The following NDST4 variants were observed in gnomAD, a reference collection of about 807,000 sequenced individuals.
NDST4 encodes N-heparan sulfate sulfotransferase 4.
NDST4 carries 63 observed loss-of-function variants against 100.8 expected under a neutral mutation model. The ratio of observed to expected loss-of-function variants is 0.62; its 90% confidence interval spans 0.51 to 0.77. NDST4 has a LOEUF of 0.77. Among genes scored for constraint, NDST4 ranks in the 30% least tolerant of loss-of-function variants. The probability of loss-of-function intolerance (pLI) is 0.00; values close to 1 mark genes in which losing one functional copy is unlikely to be tolerated. For synonymous variants in NDST4, 377 were observed against 361.8 expected (o/e 1.04, Z -0.48); for missense variants, 943 against 1,018.4 (o/e 0.93, Z 1.01).
At chr4:115,092,224 C>A (rs1729534192) in intron 1 of NDST4, among the ~76,000 whole-genome samples, 1 of 151,980 alleles carries the variant, frequency 6.6e-6, no homozygotes, top group Non-Finnish European at 1.5e-5. Flanking sequence ...GACCCCCAAC[C>A]TAAAAGGAAT....
rs185162049 is a variant in NDST4 at position 115,005,978 on chromosome 4, G to A, written c.979-28704C>T. 1.3e-3 allele frequency among the ~76,000 whole-genome samples: 188 copies of A among 142,604 alleles called. 1 individual carries two copies. The highest frequency in any genetic ancestry group is 4.6e-3 in the African/African-American group (174 of 37,998). The allele number at this position is 142,604 out of a possible 152,430, so 93.6% of individuals were successfully genotyped here. A position where few individuals can be genotyped will look rare whatever the true frequency, so the allele number is the denominator to read the frequency against. On this transcript the variant is annotated intron_variant, in intron 2 of 13. Transcript: ENST00000264363. ...ACTCGGGAGGCAGAGCTTGCAGTGA[G>A]CTGAGATCGCGTCACTGCACTCCAG...
In NDST4 at chr4:115,028,036, G is replaced by A. The variant is rs193063591; in HGVS notation, c.978+48023C>T. On this transcript the variant is annotated intron_variant, in intron 2 of 13. Coordinates refer to ENST00000264363, the MANE Select transcript of NDST4 (RefSeq NM_022569.3). ...CGATTCACCATTACACTCCAGCCTG[G>A]GCAATAAGAGTAAAACTCCGTCTAA... Among the ~76,000 whole-genome samples the A allele has an allele frequency of 1.2e-4, 18 of 151,726 alleles. No individual in the cohort carries two copies. In the East Asian group the frequency reaches 3.5e-3, roughly 29 times the overall value.
chr4:114,998,888 T>C (rs1727221669), intron 2 of NDST4, among the ~76,000 whole-genome samples: 1 of 152,072 alleles, frequency 6.6e-6, no homozygotes, highest in Non-Finnish European at 1.5e-5. Flanking sequence ...CCACCAAGCC[T>C]CATGATTAGG....
In NDST4 at chr4:115,077,043, G is replaced by A. The variant is rs1729203745; in HGVS notation, c.-7C>T. ...GTTTCACAATAAGATTCATTTTTTA[G>A]AATAATGTTTTGGAAGCTTTTTCCC... On this transcript the variant is annotated 5_prime_UTR_variant, in exon 2 of 14. Transcript: ENST00000264363. The A allele has an allele frequency of 1.9e-6, 3 of 1,581,270 alleles. No homozygotes were observed. Among genetic ancestry groups the A allele is most frequent in the Non-Finnish European group, 2.6e-6 (3 of 1,166,066 alleles).
In NDST4 at chr4:115,076,825, A is replaced by T; in HGVS notation, c.212T>A (p.Ile71Asn). The T allele has an allele frequency of 6.2e-7, 1 of 1,613,936 alleles. No individual in the cohort carries two copies. Among genetic ancestry groups the T allele is most frequent in the Non-Finnish European group, 8.5e-7 (1 of 1,179,916 alleles). The change falls in exon 2 of 14, where the codon ATT (isoleucine) becomes AAT (asparagine). Residue 71 changes from isoleucine (I) to asparagine (N), a missense_variant. Around this residue, in one of 2 missense-constraint regions of NDST4, gnomAD observed 417 missense variants for 384.2 expected, o/e 1.09. Transcript: ENST00000264363. The stretch of plus-strand genomic sequence containing the variant: ...AGTAGGGTCCGTTTTGGATGTGTCA[A>T]TAGGTTTAACTGTTTTCAGCTCCAT... Reference protein sequence around the residue: ...RSMELKTVKPIDTSKTDPTVL... With the variant: ...RSMELKTVKPNDTSKTDPTVL...
chr4:114,867,664 G>GAAAAAAA (rs1491405935), intron 7 of NDST4, among the ~76,000 whole-genome samples: 3 of 26,078 alleles, frequency 1.2e-4, no homozygotes, highest in African/African-American at 2.0e-4. Context: ...AAAAAAAAAA[G>GAAAAAAA]CAAAAAAAAA....
intron 7 of NDST4, among the ~76,000 whole-genome samples, chr4:114,866,008 TATTTAAGATAATAATGAA>T (rs1724018885): frequency 6.6e-6 from 1 of 152,108 alleles, no homozygotes; most frequent in South Asian, 2.1e-4. Flanking sequence ...TAGGAAAAAA[TATTTAAGATAATAATGAA>T]ATCTGTCCTC....
At position 115,076,923 on chromosome 4, in the gene NDST4, T is replaced by C; in HGVS notation, c.114A>G (p.Lys38=). 6.2e-7 allele frequency: 1 copy of C among 1,613,712 alleles called. No homozygotes were observed. Residue 38 remains lysine, a synonymous_variant, in exon 2 of 14, where the codon AAA becomes AAG. Coordinates refer to ENST00000264363, the MANE Select transcript of NDST4 (RefSeq NM_022569.3). ...ISAYFLYSGY[K]QEMTLIETTA... ...TGGTTTCAATAAGTGTCATTTCCTG[T>C]TTGTAGCCAGAGTAGAGAAAATAGG...
chr4:115,019,410 C>G (rs1290595992), intron 2 of NDST4, among the ~76,000 whole-genome samples: 1 of 152,074 alleles, frequency 6.6e-6, no homozygotes, highest in South Asian at 2.1e-4. Flanking sequence ...TGCCAGGTGA[C>G]CCAGCCTAAT....
intron 2 of NDST4, among the ~76,000 whole-genome samples, chr4:115,034,501 C>T (rs1403660265): frequency 1.3e-5 from 2 of 152,150 alleles, no homozygotes; most frequent in African/African-American, 4.8e-5. Flanking sequence ...AATTAATAAA[C>T]ATTTACAACA....
intron 6 of NDST4, among the ~76,000 whole-genome samples, chr4:114,929,909 C>A (rs1413684940): frequency 6.6e-6 from 1 of 152,058 alleles, no homozygotes; most frequent in East Asian, 1.9e-4. Context: ...CACACCTGGG[C>A]AAGAGGTCCA....
Position 115,082,105 on chromosome 4 carries a change from GTGTTGATTTTCC to G in NDST4, c.-246-4835_-246-4824del, listed in dbSNP as rs565401694. ...AAGAAAAAAAGGGAGGCTTTTGTAGGTGTTGATTTTCCTGTTCTCATTTTTGTTTTCTTATTT... is the reference window on the plus strand; with the variant it reads ...AAGAAAAAAAGGGAGGCTTTTGTAGGTGTTCTCATTTTTGTTTTCTTATTT... On this transcript the variant is annotated intron_variant, in intron 1 of 13. Coordinates refer to ENST00000264363, the MANE Select transcript of NDST4 (RefSeq NM_022569.3). Among the ~76,000 whole-genome samples, 1,160 of 152,252 alleles carry G rather than the reference GTGTTGATTTTCC, an allele frequency of 7.6e-3. 12 individuals carry two copies. The highest frequency in any genetic ancestry group is 0.027 in the African/African-American group (1,109 of 41,552).
At chr4:114,852,633 A>C (rs1034030976) in intron 8 of NDST4, 92 bp downstream of exon 8, 49 of 693,464 alleles carry the variant, frequency 7.1e-5, no homozygotes, top group Non-Finnish European at 1.0e-4. Flanking sequence ...AATATTTCAC[A>C]AAGAAAAATC....
chr4:114,875,845 C>T (rs545365260), intron 6 of NDST4, among the ~76,000 whole-genome samples: 89 of 152,214 alleles, frequency 5.8e-4, no homozygotes, highest in Middle Eastern at 3.4e-3. Flanking sequence ...AGAATAGTTT[C>T]CTTGCTTTTC....
At chr4:115,107,506 G>A (rs1485063017) in intron 1 of NDST4, among the ~76,000 whole-genome samples, 1 of 151,122 alleles carries the variant, frequency 6.6e-6, no homozygotes, top group African/African-American at 2.4e-5. Flanking sequence ...AAATAATAAT[G>A]TTACTCAATT....
intron 6 of NDST4, among the ~76,000 whole-genome samples, chr4:114,872,556 C>A (rs920992118): frequency 3.3e-5 from 5 of 151,816 alleles, no homozygotes; most frequent in Non-Finnish European, 7.4e-5. Flanking sequence ...AAAGTCACAC[C>A]TCATCATGGT....
At chr4:114,897,761 T>C (rs914628428) in intron 6 of NDST4, among the ~76,000 whole-genome samples, 1 of 152,232 alleles carries the variant, frequency 6.6e-6, no homozygotes, top group Non-Finnish European at 1.5e-5. Context: ...GTTTGATATA[T>C]GGGTAATTGT....
chr4:115,019,824 G>C (rs896246936), intron 2 of NDST4, among the ~76,000 whole-genome samples: 4 of 152,080 alleles, frequency 2.6e-5, no homozygotes, highest in Non-Finnish European at 5.9e-5. Context: ...AGTTGGGCTA[G>C]CTTCCCAGTC....
At chr4:114,888,199 C>A (rs72899270) in intron 6 of NDST4, among the ~76,000 whole-genome samples, 1 of 151,136 alleles carries the variant, frequency 6.6e-6, no homozygotes, top group African/African-American at 2.4e-5. Context: ...GAGACTCTAT[C>A]TCAAAATAAA....
Sources: gnomAD v4.1 joint callset for allele counts (sites outside exome capture counted in the v4.1 genomes callset) on GRCh38, gnomAD v4.1.1 for gene constraint, gnomAD v4.1.1 regional missense constraint, MANE v1.5 for transcripts, NCBI Gene and HGNC (gene_info 2026-07-23, HGNC 2026-07-21) for gene names.